Variants in NALCN observed in about 807,000 individuals in gnomAD.
NALCN encodes sodium leak channel NALCN.
A neutral mutation model predicts 225.3 loss-of-function variants in NALCN; 111 were observed. That is an observed-to-expected ratio of 0.49 (90% CI 0.42 to 0.58). The LOEUF (loss-of-function observed/expected upper bound fraction) is 0.58, where lower values mean the gene tolerates loss of function less well. NALCN is among the 20% of genes least tolerant of loss of function. The pLI, the probability that NALCN is intolerant of heterozygous loss-of-function variation, is 0.00. For synonymous variants in NALCN, 764 were observed against 769.0 expected, an observed-to-expected ratio of 0.99 and a Z score of 0.11; for missense variants, 1,378 against 2,202.4, an observed-to-expected ratio of 0.63 and a Z score of 7.49.
rs767166593 is a variant in NALCN at position 101,062,005 on chromosome 13, C to T, written c.4718G>A (p.Arg1573His). Residue 1573 changes from arginine (R) to histidine (H), a missense_variant, in exon 41 of 44, where the codon CGC (arginine) becomes CAC (histidine). Physicochemically the swap from Arg to His is conservative, Grantham distance 29 (BLOSUM62 0). Transcript: ENST00000251127. ...IEEEVAKQTI[R>H]MWLKKCLKRI... The stretch of plus-strand genomic sequence containing the variant: ...CTTCAGGCACTTCTTGAGCCACATG[C>T]GGATGGTCTGCTTGGCCACCTCCTC... 3.1e-6 allele frequency: 5 copies of T among 1,613,992 alleles called. No individual in the cohort carries two copies. In the South Asian group the frequency reaches 3.3e-5, roughly 11 times the overall value.
chr13:101,110,501 T>C (rs2035368655), intron 20 of NALCN, 118 bp downstream of exon 20: 8 of 1,056,426 alleles, frequency 7.6e-6, no homozygotes, highest in Non-Finnish European at 1.1e-5. Flanking sequence ...CCCTCTGGTA[T>C]GAAGTCTTAA....
At chr13:101,180,104 A>T (rs1220348477) in intron 14 of NALCN, among the ~76,000 whole-genome samples, 2 of 146,984 alleles carry the variant, frequency 1.4e-5, no homozygotes. Flanking sequence ...ATCTGCAAAG[A>T]CTCTTTTTCC....
At chr13:101,126,343 T>C (rs183923122) in intron 17 of NALCN, among the ~76,000 whole-genome samples, 1 of 152,262 alleles carries the variant, frequency 6.6e-6, no homozygotes, top group Admixed American at 6.5e-5. Flanking sequence ...CTAGAACTCT[T>C]AGGAGAAAAA....
intron 6 of NALCN, among the ~76,000 whole-genome samples, chr13:101,375,973 G>A (rs1035299527): frequency 3.3e-5 from 5 of 152,020 alleles, no homozygotes; most frequent in African/African-American, 1.2e-4. Flanking sequence ...AAGTAGAAGA[G>A]GCAGGTGCTC....
At chr13:101,296,950 C>T (rs968869290) in intron 7 of NALCN, among the ~76,000 whole-genome samples, 7 of 152,160 alleles carry the variant, frequency 4.6e-5, no homozygotes, top group Non-Finnish European at 1.0e-4. Context: ...TACACACTGC[C>T]TGTATTGAGA....
At chr13:101,409,714 A>T (rs778528629) in intron 1 of NALCN, among the ~76,000 whole-genome samples, 1 of 152,268 alleles carries the variant, frequency 6.6e-6, no homozygotes, top group East Asian at 1.9e-4. Flanking sequence ...TAAACATAAC[A>T]GAAGATCAAA....
intron 10 of NALCN, among the ~76,000 whole-genome samples, chr13:101,279,319 G>T (rs753284870): frequency 6.6e-6 from 1 of 152,152 alleles, no homozygotes; most frequent in African/African-American, 2.4e-5. Flanking sequence ...AGTGCTTCCT[G>T]GAGGCAGAAA....
Position 101,104,968 on chromosome 13 carries a change from T to A in NALCN, c.2580-18A>T. ...TTTTAGATCTGTAAGAGAACACATA[T>A]ATAAAATTCTGCAACAAAGCAAGCA... On this transcript the variant is annotated intron_variant, in intron 22 of 43. Transcript: ENST00000251127. The surrounding 1 kb of genome is among the most constrained non-coding windows in gnomAD (Gnocchi z 4.2). 7.5e-6 allele frequency: 12 copies of A among 1,608,274 alleles called. No individual in the cohort carries two copies. Among genetic ancestry groups the A allele is most frequent in the Non-Finnish European group, 1.0e-5 (12 of 1,176,180 alleles).
chr13:101,069,354 T>C (rs1289842166), intron 37 of NALCN, among the ~76,000 whole-genome samples: 1 of 152,260 alleles, frequency 6.6e-6, no homozygotes, highest in African/African-American at 2.4e-5. Context: ...TATACCATAC[T>C]GTGGCTTATT....
At chr13:101,122,957 G>T (rs2036051840) in intron 18 of NALCN, among the ~76,000 whole-genome samples, 1 of 152,174 alleles carries the variant, frequency 6.6e-6, no homozygotes, top group African/African-American at 2.4e-5. Flanking sequence ...CCTTTTGCTT[G>T]GCAACCCAGA....
rs571354479 is a variant in NALCN, at chr13:101,277,681, G to A, written c.1134+6252C>T. On this transcript the variant is annotated intron_variant, in intron 10 of 43. Transcript: ENST00000251127. ...TTTATTCATTCATCCATGCATTTGT[G>A]TATCTTTATACATTTATATATTTAT... Among the ~76,000 whole-genome samples the A allele has an allele frequency of 1.7e-3, 253 of 152,202 alleles. 1 individual carries two copies. The highest frequency in any genetic ancestry group is 5.8e-3 in the African/African-American group (242 of 41,526).
chr13:101,386,982 G>A (rs932394396), intron 3 of NALCN, among the ~76,000 whole-genome samples: 1 of 151,994 alleles, frequency 6.6e-6, no homozygotes, highest in Non-Finnish European at 1.5e-5. Context: ...AGCACTTTGG[G>A]AGGCCGAGGC....
chr13:101,192,672 A>G (rs1361587439), intron 13 of NALCN, among the ~76,000 whole-genome samples: 1 of 147,576 alleles, frequency 6.8e-6, no homozygotes, highest in Non-Finnish European at 1.5e-5. Flanking sequence ...CAAAAAAACA[A>G]ACAAACAAAC....
At chr13:101,106,322 G>A (rs34506182) in intron 22 of NALCN, among the ~76,000 whole-genome samples, 61,441 of 151,910 alleles carry the variant, frequency 0.4, 13,380 homozygotes, top group African/African-American at 0.51. Flanking sequence ...GGACTCTACC[G>A]TATGGATTTT....
At chr13:101,334,191 C>T (rs1309644063) in intron 7 of NALCN, among the ~76,000 whole-genome samples, 2 of 152,060 alleles carry the variant, frequency 1.3e-5, no homozygotes, top group African/African-American at 4.8e-5. Context: ...TGTGCACACA[C>T]ACACACACAC....
At chr13:101,189,861 T>C (rs1046653783) in intron 14 of NALCN, among the ~76,000 whole-genome samples, 3 of 152,170 alleles carry the variant, frequency 2.0e-5, no homozygotes, top group African/African-American at 7.2e-5. Context: ...AAGAGTAGAA[T>C]TAGAGATTGG....
intron 13 of NALCN, among the ~76,000 whole-genome samples, chr13:101,199,529 C>T (rs985154352): frequency 6.6e-6 from 1 of 151,156 alleles, no homozygotes; most frequent in Admixed American, 6.6e-5. Context: ...AACCATCATT[C>T]TCAGCAAACT....
chr13:101,410,777 T>C (rs1283877062), intron 1 of NALCN, among the ~76,000 whole-genome samples: 1 of 152,208 alleles, frequency 6.6e-6, no homozygotes, highest in African/African-American at 2.4e-5. Flanking sequence ...AACTGAAAGA[T>C]AAAGCCGTAA....
chr13:101,382,089 A>T (rs1259620849), intron 3 of NALCN, among the ~76,000 whole-genome samples: 1 of 152,170 alleles, frequency 6.6e-6, no homozygotes, highest in African/African-American at 2.4e-5. Context: ...GTACTTTTTC[A>T]AAACAGTATT....
Sources: allele counts gnomAD v4.1 joint callset (sites outside exome capture counted in the v4.1 genomes callset), GRCh38; gene constraint gnomAD v4.1.1; non-coding constraint Gnocchi (gnomAD v3.1); transcripts MANE v1.5; gene names NCBI Gene and HGNC (gene_info 2026-07-23, HGNC 2026-07-21).